GMEB1: variants seen among roughly 807,000 people sequenced by gnomAD.
GMEB1 encodes the protein glucocorticoid modulatory element binding protein 1.
Under a neutral mutation model 52.4 loss-of-function variants are expected in GMEB1, and 6 were observed. That is an observed-to-expected ratio of 0.11 (90% CI 0.06 to 0.23). The LOEUF (loss-of-function observed/expected upper bound fraction) is 0.23. Ranked by LOEUF, GMEB1 falls within the 10% of genes least tolerant of loss-of-function variation. The probability of loss-of-function intolerance (pLI) is 1.00; values close to 1 mark genes in which losing one functional copy is unlikely to be tolerated. For missense variants in GMEB1, 486 were observed against 685.6 expected (o/e 0.71, Z 3.25); for synonymous variants, 255 against 244.9 (o/e 1.04, Z -0.38).
intron 1 of GMEB1, among the ~76,000 whole-genome samples, chr1:28,670,736 G>C: frequency 6.6e-6 from 1 of 152,144 alleles, no homozygotes; most frequent in East Asian, 1.9e-4. Context: ...GCCTCCTAAA[G>C]TGCTGGTATT....
intron 1 of GMEB1, among the ~76,000 whole-genome samples, 198 bp downstream of exon 1, chr1:28,669,037 G>C (rs900349573): frequency 1.4e-5 from 2 of 145,796 alleles, no homozygotes; most frequent in African/African-American, 2.5e-5. Context: ...GGCGCCGCGG[G>C]GGGGTGGGGG....
At chr1:28,708,399 C>T (rs1236576271) in intron 8 of GMEB1, among the ~76,000 whole-genome samples, 1 of 150,296 alleles carries the variant, frequency 6.7e-6, no homozygotes, top group Non-Finnish European at 1.5e-5. Flanking sequence ...CTCCTGACCT[C>T]GTGATCCACC....
At chr1:28,711,350 G>C (rs1671052648) in intron 9 of GMEB1, among the ~76,000 whole-genome samples, 1 of 151,030 alleles carries the variant, frequency 6.6e-6, no homozygotes, top group Non-Finnish European at 1.5e-5. Context: ...TAGAAATACA[G>C]GCTTTTGGTC....
intron 6 of GMEB1, among the ~76,000 whole-genome samples, chr1:28,701,094 A>G (rs1007567238): frequency 2.6e-5 from 4 of 152,092 alleles, no homozygotes; most frequent in African/African-American, 7.2e-5. Flanking sequence ...CCAGGAATCA[A>G]TCCCTCATGT....
rs981445092 is a variant in GMEB1, at chr1:28,718,966, C to G, written c.*4193C>G. On this transcript the variant is annotated 3_prime_UTR_variant, in exon 10 of 10. Coordinates refer to ENST00000373816, the MANE Select transcript of GMEB1 (RefSeq NM_001319674.2). The stretch of plus-strand genomic sequence containing the variant: ...ACTACTTGATTTTCAAGTAATTGGG[C>G]TTATTTATTCTAGAGAAAAAGTCTT... 1 of 152,140 alleles carries G rather than the reference C, an allele frequency of 6.6e-6. No homozygotes were observed. Among genetic ancestry groups the G allele is most frequent in the Non-Finnish European group, 1.5e-5 (1 of 68,026 alleles). 9.4% of individuals were successfully genotyped at this position (152,140 alleles called of 1,614,324 possible).
chr1:28,689,285 C>G (rs1370311932), intron 2 of GMEB1, among the ~76,000 whole-genome samples: 1 of 152,064 alleles, frequency 6.6e-6, no homozygotes, highest in Admixed American at 6.6e-5. Context: ...CTCAACCTCC[C>G]AAAGTACTGG....
chr1:28,708,196 G>A (rs371469449), intron 8 of GMEB1, among the ~76,000 whole-genome samples: 5 of 152,014 alleles, frequency 3.3e-5, no homozygotes, highest in African/African-American at 4.8e-5. Flanking sequence ...ACCACACCTC[G>A]CTCTATCACC....
intron 1 of GMEB1, among the ~76,000 whole-genome samples, 167 bp downstream of exon 1, chr1:28,669,006 C>T (rs1668743655): frequency 9.5e-6 from 1 of 105,574 alleles, no homozygotes; most frequent in Non-Finnish European, 1.8e-5. Context: ...CCGCCGCCGC[C>T]GGGGAGCGAG....
At chr1:28,696,327 A>G (rs1670206838) in intron 5 of GMEB1, among the ~76,000 whole-genome samples, 1 of 152,126 alleles carries the variant, frequency 6.6e-6, no homozygotes, top group Non-Finnish European at 1.5e-5. Flanking sequence ...TTGGCCTGCC[A>G]AAGTGCTGGG....
intron 1 of GMEB1, among the ~76,000 whole-genome samples, chr1:28,673,357 A>C (rs1668991092): frequency 6.6e-6 from 1 of 152,012 alleles, no homozygotes; most frequent in Admixed American, 6.6e-5. Context: ...CCTGGGTTCA[A>C]GCGATTCTCC....
chr1:28,684,992 G>C (rs1043224385), intron 2 of GMEB1, among the ~76,000 whole-genome samples: 1 of 152,060 alleles, frequency 6.6e-6, no homozygotes, highest in African/African-American at 2.4e-5. Context: ...AGAGATAGGG[G>C]TCTTGCTTTG....
rs1305872878 is a variant in GMEB1 at position 28,714,507 on chromosome 1, G to A, written c.1426G>A (p.Gly476Ser). ...TGCCATGCAGGATGGGAGTACACTG[G>A]GCAACATGACCACCATGGTTAGCCC... The part of the protein sequence containing the change: ...STAMQDGSTL[G>S]NMTTMVSPVE... The change falls in exon 10 of 10, where the codon GGC (glycine) becomes AGC (serine). Residue 476 changes from glycine (G) to serine (S), a missense_variant. This residue lies in a region of GMEB1 where 153 missense variants were observed against 200.8 expected (regional missense o/e 0.76). Coordinates refer to ENST00000373816, the MANE Select transcript of GMEB1 (RefSeq NM_001319674.2). The A allele has an allele frequency of 6.2e-7, 1 of 1,614,188 alleles. No homozygotes were observed. The highest frequency in any genetic ancestry group is 8.5e-7 in the Non-Finnish European group (1 of 1,180,042).
intron 8 of GMEB1, among the ~76,000 whole-genome samples, chr1:28,709,977 T>C (rs1381035101): frequency 2.0e-5 from 3 of 151,804 alleles, no homozygotes; most frequent in Non-Finnish European, 2.9e-5. Context: ...TGAAACCCCA[T>C]CTCTACTAAA....
Position 28,691,728 on chromosome 1 carries a change from C to G in GMEB1, c.336+19C>G, listed in dbSNP as rs1557508150. The G allele has an allele frequency of 7.0e-7, 1 of 1,434,638 alleles. No individual in the cohort carries two copies. The allele number at this position is 1,434,638 out of a possible 1,614,324, so 88.9% of individuals were successfully genotyped here. The stretch of plus-strand genomic sequence containing the variant: ...TGTCAAGGTAATTGTCTTTTCCATG[C>G]TGAAGCCAAATTTGGGACTCCTTGT... On this transcript the variant is annotated intron_variant, in intron 4 of 9. Transcript: ENST00000373816.
At chr1:28,669,075 G>T (rs925548100) in intron 1 of GMEB1, among the ~76,000 whole-genome samples, 4 of 147,276 alleles carry the variant, frequency 2.7e-5, no homozygotes, top group African/African-American at 7.3e-5. Context: ...CGCCCGAGCC[G>T]CCGGGCCGCC....
rs553692977 is a variant in GMEB1, at chr1:28,674,876, G to A, written c.-31+6037G>A. ...TGGGACTACAGGCGCCCGCCACTAC[G>A]CCCGGCTAATTTTTTGTATTTTTAG... is the stretch of plus-strand genomic sequence containing the variant. On this transcript the variant is annotated intron_variant, in intron 1 of 9. Coordinates refer to ENST00000373816, the MANE Select transcript of GMEB1 (RefSeq NM_001319674.2). Among the ~76,000 whole-genome samples the A allele has an allele frequency of 2.5e-3, 352 of 143,320 alleles. 1 individual carries two copies. Among genetic ancestry groups the A allele is most frequent in the African/African-American group, 8.9e-3 (342 of 38,628 alleles). The allele number at this position is 143,320 out of a possible 152,430, so 94.0% of individuals were successfully genotyped here. A position where few individuals can be genotyped will look rare whatever the true frequency, so the allele number is the denominator to read the frequency against.
chr1:28,692,365 C>A (rs1466920220), intron 4 of GMEB1, among the ~76,000 whole-genome samples: 1 of 152,002 alleles, frequency 6.6e-6, no homozygotes, highest in Non-Finnish European at 1.5e-5. Context: ...AACCCCATCT[C>A]TACTAAAAAT....
intron 5 of GMEB1, among the ~76,000 whole-genome samples, chr1:28,693,929 T>C (rs1670081292): frequency 6.6e-6 from 1 of 152,106 alleles, no homozygotes; most frequent in African/African-American, 2.4e-5. Flanking sequence ...AAAATTATAG[T>C]CTGCTTTAAT....
At chr1:28,704,016 T>C (rs1295829391) in intron 7 of GMEB1, among the ~76,000 whole-genome samples, 176 bp from the exon 8 acceptor site, 2 of 152,096 alleles carry the variant, frequency 1.3e-5, no homozygotes, top group Non-Finnish European at 2.9e-5. Flanking sequence ...GCGACATAAT[T>C]GGGTGCCCAC....
Sources: allele counts gnomAD v4.1 joint callset (sites outside exome capture counted in the v4.1 genomes callset), GRCh38; gene constraint gnomAD v4.1.1; regional missense constraint gnomAD v4.1.1; transcripts MANE v1.5; gene names NCBI Gene and HGNC (gene_info 2026-07-23, HGNC 2026-07-21).